Variants in ANO1 observed in about 807,000 individuals in gnomAD.
ANO1 encodes anoctamin 1.
A neutral mutation model predicts 124.0 loss-of-function variants in ANO1; 59 were observed. That is an observed-to-expected ratio of 0.48 (90% CI 0.39 to 0.59). The LOEUF (loss-of-function observed/expected upper bound fraction) is 0.59. Among genes scored for constraint, ANO1 ranks in the 20% least tolerant of loss-of-function variants. The pLI is 0.00. For missense variants in ANO1, 1,059 were observed against 1,328.0 expected, an observed-to-expected ratio of 0.80 and a Z score of 3.15; for synonymous variants, 529 against 532.0, an observed-to-expected ratio of 0.99 and a Z score of 0.08.
intron 1 of ANO1, among the ~76,000 whole-genome samples, chr11:70,033,003 T>C (rs1555003968): frequency 6.6e-6 from 1 of 152,128 alleles, no homozygotes; most frequent in African/African-American, 2.4e-5. Flanking sequence ...GCGTGCCCGG[T>C]TCCCTTATGG....
At chr11:70,147,327 C>T (rs1022757469) in intron 11 of ANO1, among the ~76,000 whole-genome samples, 5 of 152,268 alleles carry the variant, frequency 3.3e-5, no homozygotes, top group South Asian at 2.1e-4. Context: ...GAGGCAGAGA[C>T]CTCCCCGCAT....
chr11:69,983,600 C>A (rs2120260408), upstream of ANO1, among the ~76,000 whole-genome samples: 1 of 152,342 alleles, frequency 6.6e-6, no homozygotes, highest in East Asian at 1.9e-4. Context: ...TTCCAGGCCA[C>A]CCTCTCCTGC....
chr11:70,175,336 A>G (rs1366473881), intron 22 of ANO1, among the ~76,000 whole-genome samples: 1 of 152,220 alleles, frequency 6.6e-6, no homozygotes, highest in Non-Finnish European at 1.5e-5. Flanking sequence ...GAGTTTGTTT[A>G]TGGGTTCCTT....
chr11:69,986,810 T>C (rs556664713), intron 1 of ANO1, among the ~76,000 whole-genome samples: 32 of 152,242 alleles, frequency 2.1e-4, no homozygotes, highest in African/African-American at 7.7e-4. Flanking sequence ...GTTTCCTGGA[T>C]GATTCTCCCC....
intron 1 of ANO1, among the ~76,000 whole-genome samples, chr11:70,025,946 G>A (rs1023327311): frequency 3.3e-5 from 5 of 150,350 alleles, no homozygotes; most frequent in Non-Finnish European, 7.4e-5. Context: ...TGGTGGTAGT[G>A]GTGATGACAG....
intron 1 of ANO1, among the ~76,000 whole-genome samples, chr11:70,011,908 G>T (rs1214001937): frequency 3.9e-5 from 6 of 152,112 alleles, no homozygotes; most frequent in Non-Finnish European, 8.8e-5. Context: ...TTTTCCATAA[G>T]TTCATTCCTC....
intron 1 of ANO1, among the ~76,000 whole-genome samples, chr11:70,061,460 C>G (rs1591065793): frequency 6.6e-6 from 1 of 151,620 alleles, no homozygotes; most frequent in Non-Finnish European, 1.5e-5. Context: ...CTCCTTCTCT[C>G]TCTCTCTCTC....
chr11:70,116,260 A>G (rs1279690904), intron 7 of ANO1, among the ~76,000 whole-genome samples, 198 bp from the exon 8 acceptor site: 1 of 152,208 alleles, frequency 6.6e-6, no homozygotes, highest in Non-Finnish European at 1.5e-5. Flanking sequence ...GGCGGCCAAC[A>G]GGGACGTGCA....
chr11:70,026,852 C>G lies in ANO1; in HGVS notation c.58+40686C>G, dbSNP rs113287205. Among the ~76,000 whole-genome samples, 503 of 152,288 alleles carry G rather than the reference C, an allele frequency of 3.3e-3. 4 individuals carry two copies. Among genetic ancestry groups the G allele is most frequent in the Non-Finnish European group, 5.4e-3 (369 of 68,028 alleles). On this transcript the variant is annotated intron_variant, in intron 1 of 27. Transcript: ENST00000531349. ...CTGACCTCACATCCCAGGGCGTTTG[C>G]CTTTCACTCACCACCACCCACACTG...
At chr11:70,116,824 CT>C (rs1488150423) in intron 8 of ANO1, among the ~76,000 whole-genome samples, 1 of 152,216 alleles carries the variant, frequency 6.6e-6, no homozygotes, top group Non-Finnish European at 1.5e-5. Context: ...ACAATCTGAA[CT>C]GTGCCTGGGC....
chr11:70,067,171 C>T (rs1857748692), intron 1 of ANO1, among the ~76,000 whole-genome samples: 1 of 152,152 alleles, frequency 6.6e-6, no homozygotes, highest in Non-Finnish European at 1.5e-5. Flanking sequence ...CTGCTGTTCC[C>T]ACCTTCCAGC....
chr11:70,109,695 GT>G (rs933838400), intron 6 of ANO1, among the ~76,000 whole-genome samples: 1 of 152,208 alleles, frequency 6.6e-6, no homozygotes, highest in African/African-American at 2.4e-5. Context: ...TTGGACCTCG[GT>G]TTCCCCCCTG....
At chr11:70,089,146 C>G (rs927416754) in intron 2 of ANO1, among the ~76,000 whole-genome samples, 23 of 152,156 alleles carry the variant, frequency 1.5e-4, no homozygotes, top group African/African-American at 5.3e-4. Flanking sequence ...GGTGAAGGGC[C>G]CCAGCCTACA....
the ANO1 span, among the ~76,000 whole-genome samples, chr11:69,980,067 T>A: frequency 6.6e-6 from 1 of 152,144 alleles, no homozygotes; most frequent in Admixed American, 6.5e-5. Flanking sequence ...TTGGGTTCTT[T>A]AAAAATAAAG....
At chr11:69,987,486 G>C (rs1039012452) in intron 1 of ANO1, among the ~76,000 whole-genome samples, 2 of 152,086 alleles carry the variant, frequency 1.3e-5, no homozygotes, top group Non-Finnish European at 2.9e-5. Flanking sequence ...AGATTAGAAC[G>C]GAGGCCTGTT....
intron 1 of ANO1, among the ~76,000 whole-genome samples, chr11:70,066,269 C>T (rs1472774173): frequency 6.6e-6 from 1 of 152,190 alleles, no homozygotes; most frequent in African/African-American, 2.4e-5. Flanking sequence ...AGATGCCGAG[C>T]TGCCCTCGTG....
intron 1 of ANO1, chr11:70,085,318 TC>T: frequency 7.4e-7 from 1 of 1,352,542 alleles, no homozygotes; most frequent in Non-Finnish European, 9.7e-7. Flanking sequence ...CCCCCACCCT[TC>T]CCCCTGAGCC....
intron 1 of ANO1, among the ~76,000 whole-genome samples, chr11:70,043,442 T>C (rs1555005274): frequency 6.6e-6 from 1 of 152,200 alleles, no homozygotes; most frequent in African/African-American, 2.4e-5. Flanking sequence ...AAAACTTTCC[T>C]TTGTTAATGA....
Position 70,165,581 on chromosome 11 carries a change from T to G in ANO1, c.2051+11T>G. ...CGAGATCGGCATCCCGTGAGTGTGC[T>G]GCAGCGGGTTAGAGCGGCAGGGGCG... On this transcript the variant is annotated intron_variant, in intron 20 of 25. Transcript: ENST00000355303. 1 of 1,606,510 alleles carries G rather than the reference T, an allele frequency of 6.2e-7. No individual in the cohort carries two copies. The highest frequency in any genetic ancestry group is 8.5e-7 in the Non-Finnish European group (1 of 1,176,118).
Sources: allele counts gnomAD v4.1 joint callset (sites outside exome capture counted in the v4.1 genomes callset), GRCh38; gene constraint gnomAD v4.1.1; transcripts MANE v1.5; gene names NCBI Gene and HGNC (gene_info 2026-07-23, HGNC 2026-07-21).